Variants in SHFL observed in about 807,000 individuals in gnomAD.
SHFL encodes shiftless antiviral inhibitor of ribosomal frameshifting protein.
SHFL carries 12 observed loss-of-function variants against 34.7 expected under a neutral mutation model. That is an observed-to-expected ratio of 0.35 (90% CI 0.22 to 0.56). The LOEUF (loss-of-function observed/expected upper bound fraction) is 0.56. Among genes scored for constraint, SHFL ranks in the 20% least tolerant of loss-of-function variants. The pLI is 0.88. For synonymous variants in SHFL, 148 were observed against 156.0 expected (o/e 0.95, Z 0.38); for missense variants, 278 against 411.1 (o/e 0.68, Z 2.80).
intron 3 of SHFL, chr19:10,087,650 A>G: frequency 2.2e-5 from 5 of 222,484 alleles, no homozygotes; most frequent in South Asian, 6.6e-5. Flanking sequence ...GGGAGGAGTG[A>G]GCCCTGGGAG....
chr19:10,087,651 G>A, intron 3 of SHFL: 1 of 279,022 alleles, frequency 3.6e-6, no homozygotes, highest in Non-Finnish European at 6.8e-6. Context: ...GGAGGAGTGA[G>A]CCCTGGGAGG....
chr19:10,090,441 A>AG (rs2088361549), intron 5 of SHFL: 2 of 154,124 alleles, frequency 1.3e-5, no homozygotes, highest in South Asian at 1.9e-4. Context: ...CCAAAAAAAA[A>AG]TGTGTTTTGA....
Position 10,091,886 on chromosome 19 carries a change from T to A in SHFL, c.644-184T>A. On this transcript the variant is annotated intron_variant, in intron 7 of 7. Coordinates refer to ENST00000253110, the MANE Select transcript of SHFL (RefSeq NM_018381.4). The surrounding 1 kb of genome is among the most constrained non-coding windows in gnomAD (Gnocchi z 8.2). ...GGGGCCCCTGTTTTGTCCCCTGTAATCTCAGGTGACCCCCATGTCCCCAGG... is the reference window on the plus strand; with the variant it reads ...GGGGCCCCTGTTTTGTCCCCTGTAAACTCAGGTGACCCCCATGTCCCCAGG... 2.3e-6 allele frequency: 2 copies of A among 865,124 alleles called. No individual in the cohort carries two copies. The highest frequency in any genetic ancestry group is 3.5e-6 in the Non-Finnish European group (2 of 575,562). The allele number at this position is 865,124 out of a possible 1,614,324, so 53.6% of individuals were successfully genotyped here.
At position 10,092,657 on chromosome 19, in the gene SHFL, C is replaced by T; in HGVS notation, c.*355C>T. The T allele has an allele frequency of 6.2e-7, 1 of 1,613,998 alleles. No individual in the cohort carries two copies. On this transcript the variant is annotated 3_prime_UTR_variant, in exon 8 of 8. Transcript: ENST00000253110. ...GAATATGCCCCACCACGAAACTCAG[C>T]CCAGTAGACACCATCCTGGTAGCGG...
At chr19:10,090,378 G>A (rs559014274) in intron 5 of SHFL, 5 of 254,730 alleles carry the variant, frequency 2.0e-5, no homozygotes, top group African/African-American at 4.4e-5. Flanking sequence ...AGGGAGGATC[G>A]CTTGAATTTA....
In SHFL at chr19:10,091,644, C is replaced by T; in HGVS notation, c.643+14C>T. On this transcript the variant is annotated intron_variant, in intron 7 of 7. Coordinates refer to ENST00000253110, the MANE Select transcript of SHFL (RefSeq NM_018381.4). This position sits in a 1 kb window ranked among gnomAD's most constrained non-coding sequence, Gnocchi z 8.2. ...ACAACCGGCGAGGTGAGGCTCTTCT[C>T]CCCCAACAGCCTGGACAGTCTTTGT... 1.9e-6 allele frequency: 3 copies of T among 1,540,770 alleles called. No homozygotes were observed. The highest frequency in any genetic ancestry group is 2.4e-5 in the South Asian group (2 of 82,952).
Position 10,091,377 on chromosome 19 carries a change from C to T in SHFL, c.488+24C>T, listed in dbSNP as rs756596403. ...CGGTGAGGGCGCTGACCCCCAGCTC[C>T]CCCTCAGCCCTGCCCTACCCCAGCC... is the stretch of plus-strand genomic sequence containing the variant. On this transcript the variant is annotated intron_variant, in intron 6 of 7. Coordinates refer to ENST00000253110, the MANE Select transcript of SHFL (RefSeq NM_018381.4). The surrounding 1 kb of genome is among the most constrained non-coding windows in gnomAD (Gnocchi z 8.2). 1 of 1,606,608 alleles carries T rather than the reference C, an allele frequency of 6.2e-7. No individual in the cohort carries two copies. Among genetic ancestry groups the T allele is most frequent in the Non-Finnish European group, 8.5e-7 (1 of 1,175,370 alleles).
chr19:10,087,024 C>T lies in SHFL; in HGVS notation c.117C>T (p.His39=), dbSNP rs370331075. 1.9e-4 allele frequency: 304 copies of T among 1,612,780 alleles called. No homozygotes were observed. Among genetic ancestry groups the T allele is most frequent in the African/African-American group, 4.9e-4 (37 of 75,028 alleles). ...TGATGAGGAAATTCGGCAGCGACCA[C>T]ACGGGAGTGGGGCGCTCCATCGTGT... The part of the protein sequence containing the change: ...GALMRKFGSD[H]TGVGRSIVYG... The change falls in exon 2 of 8, where the codon CAC becomes CAT. Residue 39 remains histidine, a synonymous_variant. Coordinates refer to ENST00000253110, the MANE Select transcript of SHFL (RefSeq NM_018381.4).
chr19:10,087,053 G>C lies in SHFL; in HGVS notation c.145+1G>C, dbSNP rs1400774491. 6.2e-7 allele frequency: 1 copy of C among 1,611,028 alleles called. No homozygotes were observed. The highest frequency in any genetic ancestry group is 8.5e-7 in the Non-Finnish European group (1 of 1,178,620). ...GGAGTGGGGCGCTCCATCGTGTACG[G>C]TGAGGCTGCAGGGGTCCCGGGCCTG... is the stretch of plus-strand genomic sequence containing the variant. On this transcript the variant is annotated splice_donor_variant, in intron 2 of 7. Transcript: ENST00000253110. LOFTEE classifies it high-confidence loss of function.
At chr19:10,087,609 T>C (rs2088308665) in intron 3 of SHFL, 1 of 374,420 alleles carries the variant, frequency 2.7e-6, no homozygotes, top group East Asian at 5.8e-5. Flanking sequence ...GAAGGCTTAC[T>C]GGAGGAGGAG....
chr19:10,091,949 G>T lies in SHFL; in HGVS notation c.644-121G>T. 8.1e-7 allele frequency: 1 copy of T among 1,233,548 alleles called. No individual in the cohort carries two copies. 76.4% of individuals were successfully genotyped at this position (1,233,548 alleles called of 1,614,324 possible). A position where few individuals can be genotyped will look rare whatever the true frequency, so the allele number is the denominator to read the frequency against. On this transcript the variant is annotated intron_variant, in intron 7 of 7. Coordinates refer to ENST00000253110, the MANE Select transcript of SHFL (RefSeq NM_018381.4). The surrounding 1 kb of genome is among the most constrained non-coding windows in gnomAD (Gnocchi z 8.2). ...TCAACACCCCTGAATGTCCAGTTGT[G>T]CTGGTCCCCGTATCTGGTGGTCTCA...
At position 10,087,246 on chromosome 19, in the gene SHFL, C is replaced by T. The variant is rs1240301247; in HGVS notation, c.146-5C>T. 4 of 1,614,024 alleles carry T rather than the reference C, an allele frequency of 2.5e-6. No homozygotes were observed. Among genetic ancestry groups the T allele is most frequent in the African/African-American group, 1.3e-5 (1 of 75,050 alleles). ...CCCTTCCCTTATATGCACTCTCCCC[C>T]GCAGGGGTAAAGCAAAAAGATGGCC... On this transcript the variant is annotated splice_region_variant and splice_polypyrimidine_tract_variant and intron_variant, in intron 2 of 7. Transcript: ENST00000253110.
At position 10,086,787 on chromosome 19, in the gene SHFL, G is replaced by A; in HGVS notation, c.22-142G>A. 3 of 1,072,310 alleles carry A rather than the reference G, an allele frequency of 2.8e-6. No homozygotes were observed. Among genetic ancestry groups the A allele is most frequent in the Non-Finnish European group, 4.0e-6 (3 of 751,928 alleles). 66.4% of individuals were successfully genotyped at this position (1,072,310 alleles called of 1,614,324 possible). A position where few individuals can be genotyped will look rare whatever the true frequency, so the allele number is the denominator to read the frequency against. On this transcript the variant is annotated intron_variant, in intron 1 of 7. Coordinates refer to ENST00000253110, the MANE Select transcript of SHFL (RefSeq NM_018381.4). The surrounding 1 kb of genome is among the most constrained non-coding windows in gnomAD (Gnocchi z 5.2). Reference sequence around the variant, plus strand: ...ACTTTGGCTTTTTCCAGGAAATGCCGTAAAGGGATGAAAGGCGGGGGGGGG... The same window carrying A: ...ACTTTGGCTTTTTCCAGGAAATGCCATAAAGGGATGAAAGGCGGGGGGGGG...
chr19:10,092,117 C>T lies in SHFL; in HGVS notation c.691C>T (p.Gln231Ter), dbSNP rs2088402944. Residue 231 changes from glutamine to a stop codon, truncating the protein, a stop_gained, in exon 8 of 8, where the codon CAG (glutamine) becomes TAG (stop). Coordinates refer to ENST00000253110, the MANE Select transcript of SHFL (RefSeq NM_018381.4). LOFTEE classifies it high-confidence loss of function. The stretch of plus-strand genomic sequence containing the variant: ...CTGTGCTCACCCCAAGAGCCGGAAG[C>T]AGAACCACCTGCCCAAAGTGCTCCA... ...TSCAHPKSRK[Q>*]NHLPKVLHPS... is the part of the protein sequence containing the mutation. The T allele has an allele frequency of 6.2e-7, 1 of 1,613,696 alleles. No individual in the cohort carries two copies. Among genetic ancestry groups the T allele is most frequent in the Admixed American group, 1.7e-5 (1 of 59,906 alleles).
In SHFL at chr19:10,091,168, C is replaced by A. The variant is rs1303301778; in HGVS notation, c.385-82C>A. 3.2e-6 allele frequency: 4 copies of A among 1,234,908 alleles called. No homozygotes were observed. Among genetic ancestry groups the A allele is most frequent in the Non-Finnish European group, 4.6e-6 (4 of 863,024 alleles). The allele number at this position is 1,234,908 out of a possible 1,614,324, so 76.5% of individuals were successfully genotyped here. A position where few individuals can be genotyped will look rare whatever the true frequency, so the allele number is the denominator to read the frequency against. On this transcript the variant is annotated intron_variant, in intron 5 of 7. Transcript: ENST00000253110. This position sits in a 1 kb window ranked among gnomAD's most constrained non-coding sequence, Gnocchi z 8.2. ...CAAGCTGAGGCCAGCCGCTGCAGCA[C>A]ACTGCTAGCCCTGACCCCAACCTCA... is the stretch of plus-strand genomic sequence containing the variant.
At chr19:10,087,212 C>G (rs2088302752) in intron 2 of SHFL, 39 bp from the exon 3 acceptor site, 1 of 1,613,112 alleles carries the variant, frequency 6.2e-7, no homozygotes, top group African/African-American at 1.3e-5. Context: ...CCCACAGACC[C>G]TTCAAGGGCC....
Position 10,091,210 on chromosome 19 carries a change from C to G in SHFL, c.385-40C>G. The G allele has an allele frequency of 6.4e-7, 1 of 1,574,146 alleles. No individual in the cohort carries two copies. Among genetic ancestry groups the G allele is most frequent in the Non-Finnish European group, 8.7e-7 (1 of 1,148,062 alleles). Reference sequence around the variant, plus strand: ...CCAACCTCAGACACCTCTGACAATCCTTGGTCCCCTCTCTGTACCTTCCTG... The same window carrying G: ...CCAACCTCAGACACCTCTGACAATCGTTGGTCCCCTCTCTGTACCTTCCTG... On this transcript the variant is annotated intron_variant, in intron 5 of 7. Transcript: ENST00000253110. The surrounding 1 kb of genome is among the most constrained non-coding windows in gnomAD (Gnocchi z 8.2).
chr19:10,086,746 C>A lies in SHFL; in HGVS notation c.22-183C>A. On this transcript the variant is annotated intron_variant, in intron 1 of 7. Transcript: ENST00000253110. This position sits in a 1 kb window ranked among gnomAD's most constrained non-coding sequence, Gnocchi z 5.2. ...CGCTCGCCCCAGTCCGCGCCTTCCC[C>A]CAACGCCCTGTGGGGACTTTGGCTT... The A allele has an allele frequency of 1.3e-6, 1 of 766,416 alleles. No homozygotes were observed. Among genetic ancestry groups the A allele is most frequent in the Non-Finnish European group, 2.1e-6 (1 of 483,754 alleles). 47.5% of individuals were successfully genotyped at this position (766,416 alleles called of 1,614,324 possible).
At position 10,092,994 on chromosome 19, in the gene SHFL, A is replaced by C; in HGVS notation, c.*692A>C. On this transcript the variant is annotated 3_prime_UTR_variant, in exon 8 of 8. Transcript: ENST00000253110. The stretch of plus-strand genomic sequence containing the variant: ...TAATTCCTTCCCTATCTCCTTACCA[A>C]AGTACAAGTCACATCTTTCCCACCT... 1 of 498,022 alleles carries C rather than the reference A, an allele frequency of 2.0e-6. No homozygotes were observed. The highest frequency in any genetic ancestry group is 3.5e-6 in the Non-Finnish European group (1 of 286,556). The allele number at this position is 498,022 out of a possible 1,614,324, so 30.9% of individuals were successfully genotyped here.
Sources: gnomAD v4.1 joint callset for allele counts on GRCh38, gnomAD v4.1.1 for gene constraint, Gnocchi (gnomAD v3.1) non-coding constraint, MANE v1.5 for transcripts, NCBI Gene and HGNC (gene_info 2026-07-23, HGNC 2026-07-21) for gene names.